TOM1L2: variants seen among roughly 807,000 people sequenced by gnomAD.
TOM1L2 encodes target of myb1 like 2 membrane trafficking protein, also known as TOM1-like protein 2.
In TOM1L2, 31 loss-of-function variants were observed where a neutral mutation model predicts 67.9. The ratio of observed to expected loss-of-function variants is 0.46; its 90% CI spans 0.34 to 0.62. The LOEUF is 0.62. TOM1L2 is among the 20% of genes least tolerant of loss of function. TOM1L2 has a pLI of 0.01. For missense variants in TOM1L2, 606 were observed against 663.5 expected, an observed-to-expected ratio of 0.91 and a Z score of 0.95; for synonymous variants, 256 against 254.0, an observed-to-expected ratio of 1.01 and a Z score of -0.07.
intron 1 of TOM1L2, among the ~76,000 whole-genome samples, chr17:17,946,923 C>T (rs556722106): frequency 5.9e-5 from 9 of 152,254 alleles, no homozygotes; most frequent in African/African-American, 2.2e-4. Context: ...TGGAGTTTTA[C>T]CACGTTGGCC....
intron 1 of TOM1L2, among the ~76,000 whole-genome samples, chr17:17,963,098 C>G (rs1448342830): frequency 6.6e-6 from 1 of 151,932 alleles, no homozygotes; most frequent in Non-Finnish European, 1.5e-5. Context: ...CTTTTACATA[C>G]TCACTTGACC....
At chr17:17,903,562 G>C (rs975036438) in intron 2 of TOM1L2, among the ~76,000 whole-genome samples, 1 of 149,586 alleles carries the variant, frequency 6.7e-6, no homozygotes, top group Non-Finnish European at 1.5e-5. Flanking sequence ...GCAGTGAGCC[G>C]AGATCGCGCC....
chr17:17,868,026 C>T (rs553213523), intron 8 of TOM1L2, among the ~76,000 whole-genome samples: 2 of 152,322 alleles, frequency 1.3e-5, no homozygotes, highest in African/African-American at 4.8e-5. Context: ...AATGCTTGGA[C>T]TGGGAGACTC....
chr17:17,938,746 A>C (rs984412243), intron 1 of TOM1L2, among the ~76,000 whole-genome samples: 1 of 150,110 alleles, frequency 6.7e-6, no homozygotes, highest in Admixed American at 6.7e-5. Context: ...AATCCTCACC[A>C]TGAGGCAAAG....
In TOM1L2 at chr17:17,844,543, G is replaced by C. The variant is rs1261022723; in HGVS notation, c.*3092C>G. On this transcript the variant is annotated 3_prime_UTR_variant, in exon 15 of 15. Coordinates refer to ENST00000379504, the MANE Select transcript of TOM1L2 (RefSeq NM_001082968.2). ...TCACCTTTCCCTCTAGCCCAGGCCA[G>C]CAACAACCCCTTGAGGCTCCAAAGC... is the stretch of plus-strand genomic sequence containing the variant. 2.0e-5 allele frequency: 3 copies of C among 152,400 alleles called. No individual in the cohort carries two copies. Among genetic ancestry groups the C allele is most frequent in the African/African-American group, 4.8e-5 (2 of 41,472 alleles). 9.4% of individuals were successfully genotyped at this position (152,400 alleles called of 1,614,324 possible).
At chr17:17,949,792 C>CA (rs563115124) in intron 1 of TOM1L2, among the ~76,000 whole-genome samples, 101 of 152,326 alleles carry the variant, frequency 6.6e-4, no homozygotes, top group African/African-American at 2.4e-3. Flanking sequence ...CACCAGTGGG[C>CA]AAGTTTAGGT....
Position 17,912,622 on chromosome 17 carries a change from T to A in TOM1L2, c.53-5091A>T, listed in dbSNP as rs1406171168. Among the ~76,000 whole-genome samples, 6 of 147,274 alleles carry A rather than the reference T, an allele frequency of 4.1e-5. No individual in the cohort carries two copies. In the East Asian group the frequency reaches 1.0e-3, roughly 25 times the overall value. The stretch of plus-strand genomic sequence containing the variant: ...GCAGAGACGCTCTTCACTTCCTAGA[T>A]GGGATGGCGGCCGGGAAGAGGCGCT... On this transcript the variant is annotated intron_variant, in intron 1 of 14. Coordinates refer to ENST00000379504, the MANE Select transcript of TOM1L2 (RefSeq NM_001082968.2).
In TOM1L2 at chr17:17,862,730, C is replaced by T. The variant is rs1276926647; in HGVS notation, c.1202+1G>A. On this transcript the variant is annotated splice_donor_variant, in intron 11 of 14. Coordinates refer to ENST00000379504, the MANE Select transcript of TOM1L2 (RefSeq NM_001082968.2). LOFTEE classifies it high-confidence loss of function. ...GAGCCACTAAAAGGGGCCCCACATA[C>T]GTCTTGCGCTGCTCAGCCAAGGAGT... 3 of 1,612,430 alleles carry T rather than the reference C, an allele frequency of 1.9e-6. No homozygotes were observed. Among genetic ancestry groups the T allele is most frequent in the Non-Finnish European group, 1.7e-6 (2 of 1,179,628 alleles).
chr17:17,916,169 G>A (rs2039622109), intron 1 of TOM1L2, among the ~76,000 whole-genome samples: 1 of 151,594 alleles, frequency 6.6e-6, no homozygotes, highest in African/African-American at 2.4e-5. Context: ...TACCTCCTGG[G>A]TTCACGCCCT....
At chr17:17,911,161 C>T (rs1442489608) in intron 1 of TOM1L2, among the ~76,000 whole-genome samples, 1 of 152,186 alleles carries the variant, frequency 6.6e-6, no homozygotes, top group Non-Finnish European at 1.5e-5. Flanking sequence ...CTGCTGTCAG[C>T]GTCAAGGCTT....
At chr17:17,847,865 T>C in intron 14 of TOM1L2, 82 bp from the exon 15 acceptor site, 1 of 1,590,024 alleles carries the variant, frequency 6.3e-7, no homozygotes, top group Non-Finnish European at 8.6e-7. Context: ...CCCCAGCCCG[T>C]TTCCTCCTCT....
At chr17:17,848,052 T>C (rs1425558375) in intron 14 of TOM1L2, among the ~76,000 whole-genome samples, 1 of 152,150 alleles carries the variant, frequency 6.6e-6, no homozygotes, top group Admixed American at 6.5e-5. Flanking sequence ...GCACTGGGTT[T>C]TGTCCATTTT....
Position 17,908,563 on chromosome 17 carries a change from C to T in TOM1L2, c.53-1032G>A, listed in dbSNP as rs115349495. On this transcript the variant is annotated intron_variant, in intron 1 of 14. Coordinates refer to ENST00000379504, the MANE Select transcript of TOM1L2 (RefSeq NM_001082968.2). ...TGATAAGGGGTTAATATCCAGACTA[C>T]GTAAAGAACTCCTATAGCTTAATAA... Among the ~76,000 whole-genome samples, 1,134 of 152,168 alleles carry T rather than the reference C, an allele frequency of 7.5e-3. 13 individuals are homozygous for T. The highest frequency in any genetic ancestry group is 0.026 in the African/African-American group (1,087 of 41,504).
intron 5 of TOM1L2, among the ~76,000 whole-genome samples, chr17:17,883,338 C>A (rs1371196248): frequency 9.2e-5 from 14 of 152,212 alleles, no homozygotes; most frequent in Admixed American, 9.2e-4. Context: ...GGAACAACAA[C>A]ACTGCTCTCT....
intron 14 of TOM1L2, 58 bp from the exon 15 acceptor site, chr17:17,847,841 C>A (rs907618640): frequency 6.2e-7 from 1 of 1,607,400 alleles, no homozygotes; most frequent in Admixed American, 1.7e-5. Flanking sequence ...CCAGAGGAAG[C>A]GCACCCTTCC....
chr17:17,922,530 G>A (rs1369356337), intron 1 of TOM1L2, among the ~76,000 whole-genome samples: 1 of 152,190 alleles, frequency 6.6e-6, no homozygotes, highest in Non-Finnish European at 1.5e-5. Flanking sequence ...AGTGAGAAAA[G>A]GAGACAGGAC....
At chr17:17,954,386 C>G (rs1370381912) in intron 1 of TOM1L2, among the ~76,000 whole-genome samples, 1 of 149,436 alleles carries the variant, frequency 6.7e-6, no homozygotes, top group Non-Finnish European at 1.5e-5. Flanking sequence ...AATCTTGGCT[C>G]ACTGCAACCT....
chr17:17,938,919 C>T (rs2040619024), intron 1 of TOM1L2, among the ~76,000 whole-genome samples: 1 of 152,010 alleles, frequency 6.6e-6, no homozygotes, highest in Non-Finnish European at 1.5e-5. Flanking sequence ...GGGGTGGGGC[C>T]GCCCAGAGAA....
chr17:17,954,492 T>C (rs1385612024), intron 1 of TOM1L2, among the ~76,000 whole-genome samples: 7 of 152,270 alleles, frequency 4.6e-5, no homozygotes, highest in South Asian at 2.1e-4. Flanking sequence ...TTTGTATTTT[T>C]AGTAGAGACG....
Sources: gnomAD v4.1 joint callset for allele counts (sites outside exome capture counted in the v4.1 genomes callset) on GRCh38, gnomAD v4.1.1 for gene constraint, MANE v1.5 for transcripts, NCBI Gene and HGNC (gene_info 2026-07-23, HGNC 2026-07-21) for gene names.